Variants in DNAJB12 observed in about 807,000 individuals in gnomAD.
DNAJB12 encodes the protein DnaJ heat shock protein family (Hsp40) member B12, also known as dnaJ homolog subfamily B member 12.
A neutral mutation model predicts 40.6 loss-of-function variants in DNAJB12; 14 were observed. The observed-to-expected ratio is 0.34, with a 90% confidence interval of 0.23 to 0.54. The LOEUF is 0.54. DNAJB12 is among the 20% of genes least tolerant of loss of function. DNAJB12 has a pLI of 0.92. For missense variants in DNAJB12, 444 were observed against 501.7 expected, an observed-to-expected ratio of 0.89 and a Z score of 1.10; for synonymous variants, 181 against 199.5, an observed-to-expected ratio of 0.91 and a Z score of 0.78.
intron 5 of DNAJB12, among the ~76,000 whole-genome samples, chr10:72,339,838 C>T (rs1365873489): frequency 6.6e-6 from 1 of 151,468 alleles, no homozygotes; most frequent in African/African-American, 2.4e-5. Flanking sequence ...CTCAGCTTCC[C>T]GAGTAGGGAT....
chr10:72,336,514 C>T lies in DNAJB12; in HGVS notation c.1006+10G>A, dbSNP rs1441365028. 1 of 1,612,636 alleles carries T rather than the reference C, an allele frequency of 6.2e-7. No homozygotes were observed. Among genetic ancestry groups the T allele is most frequent in the Admixed American group, 1.7e-5 (1 of 59,984 alleles). ...CCCAAATACAGCCCCCGCCTTCCCC[C>T]CACACTCACTCTGCTGCTTCTCCTT... On this transcript the variant is annotated intron_variant, in intron 7 of 8. Transcript: ENST00000444643.
intron 1 of DNAJB12, among the ~76,000 whole-genome samples, chr10:72,352,203 AC>A (rs1861951941): frequency 1.3e-5 from 2 of 152,202 alleles, no homozygotes; most frequent in South Asian, 2.1e-4. Flanking sequence ...TTCCTCACTA[AC>A]TACAGAATAA....
intron 6 of DNAJB12, chr10:72,337,013 C>T (rs1861497689): frequency 1.6e-5 from 4 of 257,462 alleles, no homozygotes; most frequent in Non-Finnish European, 3.0e-5. Flanking sequence ...TGCCTCTGTG[C>T]CTCCATCTCC....
At position 72,341,088 on chromosome 10, in the gene DNAJB12, C is replaced by T. The variant is rs1258265860; in HGVS notation, c.540G>A (p.Ala180=). The T allele has an allele frequency of 5.6e-6, 9 of 1,614,180 alleles. No individual in the cohort carries two copies. The highest frequency in any genetic ancestry group is 2.2e-5 in the East Asian group (1 of 44,878). The change falls in exon 4 of 9, where the codon GCG becomes GCA. Residue 180 remains alanine, a synonymous_variant. Coordinates refer to ENST00000444643, the MANE Select transcript of DNAJB12 (RefSeq NM_017626.7). ...CCCCATGCCCATGGCCGTGCCGGGC[C>T]GCCTGGCTCTTGTCATCGCCGAACT... The part of the protein sequence containing the change: ...YDQFGDDKSQ[A]ARHGHGHGDF...
At chr10:72,345,339 C>T (rs1341924994) in intron 1 of DNAJB12, among the ~76,000 whole-genome samples, 2 of 152,156 alleles carry the variant, frequency 1.3e-5, no homozygotes, top group East Asian at 3.9e-4. Context: ...TGGTGGTTCA[C>T]ACCTGTAATC....
rs764391196 is a variant in DNAJB12, at chr10:72,338,328, A to G, written c.724-17T>C. On this transcript the variant is annotated splice_polypyrimidine_tract_variant and intron_variant, in intron 5 of 8. Coordinates refer to ENST00000444643, the MANE Select transcript of DNAJB12 (RefSeq NM_017626.7). Reference sequence around the variant, plus strand: ...TAGCCCGCCCTGGAGGGAAGAGCCAATGTCACTCTGCTGGACCTGGGTGGG... The same window carrying G: ...TAGCCCGCCCTGGAGGGAAGAGCCAGTGTCACTCTGCTGGACCTGGGTGGG... The G allele has an allele frequency of 6.2e-7, 1 of 1,611,142 alleles. No individual in the cohort carries two copies. The highest frequency in any genetic ancestry group is 1.1e-5 in the South Asian group (1 of 91,030).
chr10:72,348,931 G>A (rs1432731716), intron 1 of DNAJB12, among the ~76,000 whole-genome samples: 2 of 152,208 alleles, frequency 1.3e-5, no homozygotes, highest in Non-Finnish European at 2.9e-5. Context: ...GTGGCAGACT[G>A]CTGCCATGAC....
chr10:72,345,643 C>T (rs1057150247), intron 1 of DNAJB12, among the ~76,000 whole-genome samples: 2 of 149,442 alleles, frequency 1.3e-5, no homozygotes, highest in Non-Finnish European at 3.0e-5. Context: ...GAGGCTGAGG[C>T]GGGCGGATCA....
chr10:72,341,231 G>T, intron 3 of DNAJB12, 61 bp from the exon 4 acceptor site: 1 of 1,507,868 alleles, frequency 6.6e-7, no homozygotes, highest in Non-Finnish European at 9.0e-7. Context: ...AGGCTCCCAT[G>T]GCAGCCGAGT....
chr10:72,343,573 G>C (rs1861702819), intron 2 of DNAJB12, 62 bp from the exon 3 acceptor site: 1 of 1,579,608 alleles, frequency 6.3e-7, no homozygotes, highest in African/African-American at 1.3e-5. Context: ...GGGGGGCGAT[G>C]AACAGGCCGT....
At chr10:72,342,470 G>T (rs1016459387) in intron 3 of DNAJB12, among the ~76,000 whole-genome samples, 2 of 152,180 alleles carry the variant, frequency 1.3e-5, no homozygotes, top group Non-Finnish European at 1.5e-5. Context: ...GCTGGGGCTG[G>T]AGAAACATTC....
At chr10:72,354,599 A>G (rs1862016832) in intron 1 of DNAJB12, among the ~76,000 whole-genome samples, 166 bp downstream of exon 1, 1 of 152,154 alleles carries the variant, frequency 6.6e-6, no homozygotes, top group Non-Finnish European at 1.5e-5. Context: ...CCGCAGAGGA[A>G]CAAGAGGGAA....
At chr10:72,341,257 G>T (rs1861632431) in intron 3 of DNAJB12, 87 bp from the exon 4 acceptor site, 2 of 1,338,812 alleles carry the variant, frequency 1.5e-6, no homozygotes, top group African/African-American at 2.9e-5. Context: ...CTTTTCTCAG[G>T]TACTCAAGCA....
At position 72,354,824 on chromosome 10, in the gene DNAJB12, T is replaced by A. The variant is rs145740880; in HGVS notation, c.74A>T (p.Asp25Val). The change falls in exon 1 of 9, where the codon GAC becomes GTC. Residue 25 changes from aspartate to valine, a missense_variant. Transcript: ENST00000444643. Reference sequence around the variant, plus strand: ...CTTCTCCAGGAAGCGGAGCGCCCGGTCGGGCTGGTTGCTCTGGATGGCCTT... The same window carrying A: ...CTTCTCCAGGAAGCGGAGCGCCCGGACGGGCTGGTTGCTCTGGATGGCCTT... ...ALKAIQSNQP[D>V]RALRFLEKAQ... The A allele has an allele frequency of 6.2e-7, 1 of 1,613,964 alleles. No homozygotes were observed. The highest frequency in any genetic ancestry group is 1.1e-5 in the South Asian group (1 of 91,082).
At position 72,335,825 on chromosome 10, in the gene DNAJB12, G is replaced by A; in HGVS notation, c.1113C>T (p.Ala371=). The change falls in exon 8 of 9, where the codon GCC becomes GCT. Residue 371 remains alanine (A), a synonymous_variant. Transcript: ENST00000444643. The surrounding 1 kb of genome is among the most constrained non-coding windows in gnomAD (Gnocchi z 4.4). ...PSCSRLSEVQ[A]SLHG The stretch of plus-strand genomic sequence containing the variant: ...TGGCCCAGGACTATCCATGCAGGGA[G>A]GCCTGCACCTCTGACAGTCGGCTGC... The A allele has an allele frequency of 6.2e-7, 1 of 1,614,166 alleles. No individual in the cohort carries two copies. The highest frequency in any genetic ancestry group is 8.5e-7 in the Non-Finnish European group (1 of 1,180,006).
chr10:72,349,688 ACAGGCTCTCTCTTGTACCTCT>A (rs996207731), intron 1 of DNAJB12, among the ~76,000 whole-genome samples: 14 of 152,170 alleles, frequency 9.2e-5, no homozygotes, highest in African/African-American at 2.7e-4. Context: ...AGGAGATGGG[ACAGGCTCTCTCTTGTACCTCT>A]CAGAGAAGAT....
At position 72,345,038 on chromosome 10, in the gene DNAJB12, C is replaced by A. The variant is rs779246409; in HGVS notation, c.223G>T (p.Gly75Cys). The change falls in exon 2 of 9, where the codon GGT becomes TGT. Residue 75 changes from glycine to cysteine, a missense_variant. Physicochemically the swap from Gly to Cys is radical, Grantham distance 159. Coordinates refer to ENST00000444643, the MANE Select transcript of DNAJB12 (RefSeq NM_017626.7). ...DTTHATHRKAGGTDAPSANGE... is the reference protein window; with the variant it reads ...DTTHATHRKACGTDAPSANGE... ...TTGGCCGAGGGGGCATCGGTCCCACCTGCTTTCCTGTGGGTGGCATGGGTT... is the reference window on the plus strand; with the variant it reads ...TTGGCCGAGGGGGCATCGGTCCCACATGCTTTCCTGTGGGTGGCATGGGTT... The A allele has an allele frequency of 5.0e-6, 8 of 1,614,248 alleles. No homozygotes were observed. Among genetic ancestry groups the A allele is most frequent in the Non-Finnish European group, 6.8e-6 (8 of 1,180,042 alleles).
rs965179086 is a variant in DNAJB12 at position 72,334,362 on chromosome 10, C to T, written c.*286G>A. 7.1e-6 allele frequency: 4 copies of T among 562,272 alleles called. No individual in the cohort carries two copies. The African/African-American group carries it at 8.0e-5, about 11-fold the overall frequency. The allele number at this position is 562,272 out of a possible 1,614,324, so 34.8% of individuals were successfully genotyped here. A position where few individuals can be genotyped will look rare whatever the true frequency, so the allele number is the denominator to read the frequency against. On this transcript the variant is annotated 3_prime_UTR_variant, in exon 9 of 9. Coordinates refer to ENST00000444643, the MANE Select transcript of DNAJB12 (RefSeq NM_017626.7). ...GAGTTTTACATTCTACTTTCGTTGC[C>T]ATGGTTTCTGTATCCTAGGAGAGAG...
At chr10:72,351,744 G>A (rs1861941532) in intron 1 of DNAJB12, among the ~76,000 whole-genome samples, 1 of 152,242 alleles carries the variant, frequency 6.6e-6, no homozygotes, top group African/African-American at 2.4e-5. Flanking sequence ...TTCCCACAGT[G>A]ACCTCAGCCA....
Sources: allele counts gnomAD v4.1 joint callset (sites outside exome capture counted in the v4.1 genomes callset), GRCh38; gene constraint gnomAD v4.1.1; non-coding constraint Gnocchi (gnomAD v3.1); transcripts MANE v1.5; gene names NCBI Gene and HGNC (gene_info 2026-07-23, HGNC 2026-07-21).